The following NDRG4 variants were observed in gnomAD, a reference collection of about 807,000 sequenced individuals.
NDRG4 encodes protein NDRG4.
In NDRG4, 38 loss-of-function variants were observed where a neutral mutation model predicts 55.8. The observed-to-expected ratio is 0.68, with a 90% CI of 0.53 to 0.89. The LOEUF is 0.89. NDRG4 is among the 40% of genes least tolerant of loss of function. The pLI is 0.00. For synonymous variants in NDRG4, 190 were observed against 182.7 expected, an observed-to-expected ratio of 1.04 and a Z score of -0.32; for missense variants, 455 against 468.6, an observed-to-expected ratio of 0.97 and a Z score of 0.27.
chr16:58,498,492 T>A (rs75638321), upstream of NDRG4, among the ~76,000 whole-genome samples: 514 of 152,316 alleles, frequency 3.4e-3, 3 homozygotes, highest in African/African-American at 0.012. Context: ...GGGCAGCCAG[T>A]CAGCATGCAG....
At chr16:58,500,329 C>A in intron 1 of NDRG4, 60 bp downstream of exon 1, 1 of 1,524,740 alleles carries the variant, frequency 6.6e-7, no homozygotes, top group South Asian at 1.2e-5. Flanking sequence ...CCTTATGACC[C>A]ACCGCAGGGA....
intron 8 of NDRG4, 123 bp downstream of exon 8, chr16:58,507,138 G>A (rs1320449334): frequency 4.1e-6 from 3 of 737,032 alleles, no homozygotes; most frequent in Non-Finnish European, 7.0e-6. Flanking sequence ...CACGATATTG[G>A]GCCTCAAAGG....
chr16:58,503,629 T>C, intron 1 of NDRG4, 169 bp from the exon 2 acceptor site: 4 of 1,319,234 alleles, frequency 3.0e-6, no homozygotes, highest in Non-Finnish European at 4.2e-6. Context: ...AGAAGGGGTG[T>C]TCCATCCATT....
Position 58,464,537 on chromosome 16 carries a change from G to A in NDRG4, c.-24+740G>A, listed in dbSNP as rs919499051. 7.9e-7 allele frequency: 1 copy of A among 1,265,512 alleles called. No homozygotes were observed. Among genetic ancestry groups the A allele is most frequent in the Non-Finnish European group, 1.0e-6 (1 of 994,616 alleles). 78.4% of individuals were successfully genotyped at this position (1,265,512 alleles called of 1,614,324 possible). A position where few individuals can be genotyped will look rare whatever the true frequency, so the allele number is the denominator to read the frequency against. On this transcript the variant is annotated intron_variant, in intron 1 of 15. Coordinates refer to the NDRG4 transcript ENST00000258187. The surrounding 1 kb of genome is among the most constrained non-coding windows in gnomAD (Gnocchi z 4.8). ...GAGCGGACTCCGGGCGCGGCGGCCG[G>A]GGACTGGGGCGGCTCGGGTCTGAGC...
chr16:58,486,442 G>T (rs2035086789), intron 1 of NDRG4, among the ~76,000 whole-genome samples: 1 of 150,872 alleles, frequency 6.6e-6, no homozygotes, highest in African/African-American at 2.4e-5. Flanking sequence ...TTATAGGCAT[G>T]AGCCACTGTG....
intron 1 of NDRG4, chr16:58,502,088 C>T (rs1567335661): frequency 2.3e-6 from 1 of 435,720 alleles, no homozygotes; most frequent in Non-Finnish European, 4.8e-6. Flanking sequence ...GTGCACCGCC[C>T]TGGCCCCTGA....
At chr16:58,505,558 C>T (rs908365025) in intron 5 of NDRG4, among the ~76,000 whole-genome samples, 1 of 151,920 alleles carries the variant, frequency 6.6e-6, no homozygotes, top group Non-Finnish European at 1.5e-5. Flanking sequence ...GAGGCCATTC[C>T]CTGCCACCCT....
intron 8 of NDRG4, 196 bp downstream of exon 8, chr16:58,507,211 C>G (rs746629727): frequency 3.4e-6 from 2 of 585,416 alleles, no homozygotes; most frequent in African/African-American, 3.7e-5. Flanking sequence ...TTTCAGACTC[C>G]GGGCCTTGGG....
At chr16:58,508,159 C>G (rs1286330195) in intron 10 of NDRG4, among the ~76,000 whole-genome samples, 160 bp downstream of exon 10, 1 of 152,162 alleles carries the variant, frequency 6.6e-6, no homozygotes, top group East Asian at 1.9e-4. Context: ...TCTTGCCAAG[C>G]CTCACATCTG....
chr16:58,476,482 T>A (rs62042650), intron 1 of NDRG4, among the ~76,000 whole-genome samples: 4,977 of 152,222 alleles, frequency 0.033, 116 homozygotes, highest in South Asian at 0.08. Context: ...ACCTTCTTAC[T>A]TTATGAAAGC....
intron 5 of NDRG4, chr16:58,506,168 GTA>G (rs1491240074): frequency 7.3e-6 from 5 of 680,444 alleles, no homozygotes; most frequent in African/African-American, 3.5e-5. Flanking sequence ...CTGTGTGTGT[GTA>G]GGGGTGGAAA....
rs1344824673 is a variant in NDRG4 at position 58,507,875 on chromosome 16, C to CCTGGCCCT, written c.677+18_677+25dup. ...TGCCAAGACGCTCCGGTGAGTGGCCCCTGGCCCTCTGGCCTGCCCTGGCCT... is the reference window on the plus strand; with the variant it reads ...TGCCAAGACGCTCCGGTGAGTGGCCCCTGGCCCTCTGGCCCTCTGGCCTGCCCTGGCCT... On this transcript the variant is annotated intron_variant, in intron 9 of 14. Coordinates refer to ENST00000570248, the MANE Select transcript of NDRG4 (RefSeq NM_001242835.2). The CCTGGCCCT allele has an allele frequency of 1.2e-6, 2 of 1,613,944 alleles. No homozygotes were observed. The highest frequency in any genetic ancestry group is 3.3e-5 in the Admixed American group (2 of 60,004).
downstream of NDRG4, chr16:58,515,380 G>GCC (rs1555490906): frequency 4.6e-5 from 35 of 763,510 alleles, no homozygotes; most frequent in Non-Finnish European, 6.8e-5. Context: ...GACTCAAGAT[G>GCC]TTTTCATGAG....
intron 2 of NDRG4, among the ~76,000 whole-genome samples, chr16:58,491,143 G>T (rs574033484): frequency 2.0e-5 from 3 of 151,782 alleles, no homozygotes; most frequent in South Asian, 2.1e-4. Context: ...AGATGTGGTG[G>T]TGAGCTCCTA....
intron 1 of NDRG4, among the ~76,000 whole-genome samples, chr16:58,481,575 G>A (rs1414338042): frequency 6.6e-6 from 1 of 152,094 alleles, no homozygotes; most frequent in African/African-American, 2.4e-5. Flanking sequence ...ATAAATCAAG[G>A]AGCCATACCT....
At chr16:58,484,135 T>C (rs1470854784) in intron 1 of NDRG4, among the ~76,000 whole-genome samples, 2 of 151,980 alleles carry the variant, frequency 1.3e-5, no homozygotes, top group Admixed American at 6.6e-5. Flanking sequence ...TTTGGGAGGC[T>C]AAGGCAGGTG....
chr16:58,505,182 T>C, intron 5 of NDRG4, among the ~76,000 whole-genome samples: 1 of 151,930 alleles, frequency 6.6e-6, no homozygotes, highest in Non-Finnish European at 1.5e-5. Flanking sequence ...ACCCAGTCTC[T>C]ACTAAAAATA....
chr16:58,480,526 G>A (rs2034265587), intron 1 of NDRG4, among the ~76,000 whole-genome samples: 1 of 152,238 alleles, frequency 6.6e-6, no homozygotes, highest in African/African-American at 2.4e-5. Flanking sequence ...CCTTGGTGGT[G>A]TGCATTTGAA....
chr16:58,509,429 G>T, intron 13 of NDRG4, 77 bp downstream of exon 13: 1 of 1,485,862 alleles, frequency 6.7e-7, no homozygotes, highest in Non-Finnish European at 9.3e-7. Context: ...GCTCCTGTTT[G>T]CAGGGCTGGC....
Sources: allele counts gnomAD v4.1 joint callset (sites outside exome capture counted in the v4.1 genomes callset), GRCh38; gene constraint gnomAD v4.1.1; non-coding constraint Gnocchi (gnomAD v3.1); transcripts MANE v1.5; gene names NCBI Gene and HGNC (gene_info 2026-07-23, HGNC 2026-07-21).